The following SNTG2 variants were observed in gnomAD, a reference collection of about 807,000 sequenced individuals.
The protein encoded by SNTG2 is gamma-2-syntrophin.
In SNTG2, 74 loss-of-function variants were observed where a neutral mutation model predicts 70.9. That is an observed-to-expected ratio of 1.04 (90% CI 0.86 to 1.27). The LOEUF (loss-of-function observed/expected upper bound fraction) is 1.27. Among genes scored for constraint, SNTG2 ranks in the 50% most tolerant of loss-of-function variants. The pLI, the probability that SNTG2 is intolerant of heterozygous loss-of-function variation, is 0.00. For synonymous variants in SNTG2, 278 were observed against 273.8 expected (o/e 1.02, Z -0.15); for missense variants, 717 against 690.7 (o/e 1.04, Z -0.43).
At chr2:954,900 C>T (rs936919818) in intron 1 of SNTG2, among the ~76,000 whole-genome samples, 1 of 152,198 alleles carries the variant, frequency 6.6e-6, no homozygotes, top group Non-Finnish European at 1.5e-5. Context: ...ATTAGAATTA[C>T]ATGTTAAAAT....
chr2:1,247,533 G>A, intron 12 of SNTG2, 90 bp downstream of exon 12: 1 of 901,184 alleles, frequency 1.1e-6, no homozygotes, highest in Non-Finnish European at 1.8e-6. Context: ...GTTTGGAGGA[G>A]GACAGACAGA....
intron 6 of SNTG2, among the ~76,000 whole-genome samples, chr2:1,152,006 A>G (rs1669530365): frequency 6.6e-6 from 1 of 152,132 alleles, no homozygotes; most frequent in South Asian, 2.1e-4. Flanking sequence ...CAAATATTAA[A>G]TACGTAAGCA....
At chr2:1,120,074 T>A (rs907921101) in intron 4 of SNTG2, among the ~76,000 whole-genome samples, 1 of 152,168 alleles carries the variant, frequency 6.6e-6, no homozygotes, top group Non-Finnish European at 1.5e-5. Flanking sequence ...TGATCGTTCC[T>A]TATCTACCAA....
intron 6 of SNTG2, chr2:1,163,353 T>C (rs974304703): frequency 7.4e-6 from 1 of 135,102 alleles, no homozygotes; most frequent in Non-Finnish European, 1.5e-5. Context: ...GAAGTGGGTG[T>C]GTGAAGTCTT....
At chr2:1,053,216 C>T (rs530803409) in intron 1 of SNTG2, among the ~76,000 whole-genome samples, 1 of 152,260 alleles carries the variant, frequency 6.6e-6, no homozygotes, top group African/African-American at 2.4e-5. Context: ...CAGTGCAATG[C>T]TGATTTGTTC....
intron 1 of SNTG2, among the ~76,000 whole-genome samples, chr2:1,061,090 CA>C (rs112755940): frequency 0.43 from 64,448 of 150,542 alleles, 14,068 homozygotes; most frequent in Middle Eastern, 0.51. Context: ...CCCATGTTTC[CA>C]AAAAAAAAGA....
intron 6 of SNTG2, among the ~76,000 whole-genome samples, chr2:1,150,654 A>G (rs1669418877): frequency 6.6e-6 from 1 of 152,202 alleles, no homozygotes; most frequent in East Asian, 1.9e-4. Context: ...CATCCTGTGA[A>G]GTTTACTTAA....
chr2:1,213,521 T>C (rs1419965757), intron 9 of SNTG2, among the ~76,000 whole-genome samples: 1 of 152,178 alleles, frequency 6.6e-6, no homozygotes, highest in East Asian at 1.9e-4. Flanking sequence ...AGTAAGATAA[T>C]TATTTGCCCA....
chr2:1,166,758 T>A (rs964391113), intron 7 of SNTG2, among the ~76,000 whole-genome samples: 2 of 152,268 alleles, frequency 1.3e-5, no homozygotes, highest in African/African-American at 4.8e-5. Context: ...GCCCCCATCC[T>A]ATGCCTATAA....
intron 7 of SNTG2, among the ~76,000 whole-genome samples, chr2:1,170,221 C>T (rs796645972): frequency 1.3e-5 from 2 of 152,286 alleles, no homozygotes; most frequent in African/African-American, 4.8e-5. Flanking sequence ...GGCTCTTGGT[C>T]TTTTTATAAA....
chr2:1,087,807 C>T (rs976297702), intron 2 of SNTG2, among the ~76,000 whole-genome samples: 1 of 152,148 alleles, frequency 6.6e-6, no homozygotes, highest in Admixed American at 6.5e-5. Context: ...TAACAACCAA[C>T]GTGAAGGAAA....
intron 1 of SNTG2, among the ~76,000 whole-genome samples, chr2:983,543 TC>T (rs1364743761): frequency 6.6e-6 from 1 of 152,190 alleles, no homozygotes; most frequent in Admixed American, 6.5e-5. Context: ...GATCTAACCC[TC>T]CGAAATAGTC....
chr2:1,312,036 A>G (rs928605745), intron 15 of SNTG2, among the ~76,000 whole-genome samples: 12 of 152,038 alleles, frequency 7.9e-5, no homozygotes, highest in African/African-American at 2.2e-4. Flanking sequence ...CTTGCCAGAT[A>G]AAGACAAGCA....
At chr2:999,641 A>C (rs1307055415) in intron 1 of SNTG2, among the ~76,000 whole-genome samples, 1 of 152,040 alleles carries the variant, frequency 6.6e-6, no homozygotes, top group Non-Finnish European at 1.5e-5. Context: ...AGATTCATAA[A>C]ACAAATAGTA....
intron 6 of SNTG2, among the ~76,000 whole-genome samples, chr2:1,149,688 TTTTTTTTTTTTTTTTTTC>T (rs74164494): frequency 0.91 from 128,774 of 141,726 alleles, 58,356 homozygotes; most frequent in Non-Finnish European, 0.96. Context: ...TTTTTTTTTT[TTTTTTTTTTTTTTTTTTC>T]AAATGGAATC....
At chr2:1,312,217 T>G (rs1681029687) in intron 15 of SNTG2, among the ~76,000 whole-genome samples, 3 of 112,904 alleles carry the variant, frequency 2.7e-5, no homozygotes. Flanking sequence ...GATGCAAAGT[T>G]TTTTTTTTAA....
intron 15 of SNTG2, among the ~76,000 whole-genome samples, chr2:1,315,358 A>T (rs535572801): frequency 6.6e-6 from 1 of 152,310 alleles, no homozygotes; most frequent in East Asian, 1.9e-4. Flanking sequence ...TGGGATAGAA[A>T]TGTTCTTGAA....
chr2:951,157 C>CCCCCTCGCTCCCCGCGA, intron 1 of SNTG2, 89 bp downstream of exon 1: 1 of 563,964 alleles, frequency 1.8e-6, no homozygotes, highest in Non-Finnish European at 2.6e-6. Context: ...TCCCTCCACG[C>CCCCCTCGCTCCCCGCGA]CCCCTCGCTC....
rs1217719977 is a variant in SNTG2 at position 1,083,503 on chromosome 2, A to T, written c.73-15A>T. On this transcript the variant is annotated splice_polypyrimidine_tract_variant and intron_variant, in intron 1 of 16. Transcript: ENST00000308624. The stretch of plus-strand genomic sequence containing the variant: ...CCTCACACCATTTTTTTGTGTTTCC[A>T]CTTTGTCCCTACAGACGAAAACCAC... 2 of 1,612,904 alleles carry T rather than the reference A, an allele frequency of 1.2e-6. No individual in the cohort carries two copies. Among genetic ancestry groups the T allele is most frequent in the South Asian group, 1.1e-5 (1 of 90,978 alleles).
Sources: gnomAD v4.1 joint callset for allele counts (sites outside exome capture counted in the v4.1 genomes callset) on GRCh38, gnomAD v4.1.1 for gene constraint, MANE v1.5 for transcripts, NCBI Gene and HGNC (gene_info 2026-07-23, HGNC 2026-07-21) for gene names.